Variants in TENM1 observed in about 807,000 individuals in gnomAD.
The protein encoded by TENM1 is teneurin transmembrane protein 1, also known as teneurin-1.
A neutral mutation model predicts 174.8 loss-of-function variants in TENM1; 35 were observed. That is an observed-to-expected ratio of 0.20 (90% CI 0.15 to 0.27). The LOEUF (loss-of-function observed/expected upper bound fraction) is 0.27. Ranked by LOEUF, TENM1 falls within the 10% of genes least tolerant of loss-of-function variation. The pLI is 1.00. For synonymous variants in TENM1, 781 were observed against 798.7 expected (o/e 0.98, Z 0.37); for missense variants, 1,633 against 2,130.1 (o/e 0.77, Z 4.59).
rs1209994312 is a variant in TENM1 at position 124,422,710 on chromosome X, G to GA, written c.4105-73dup. ...ATGGACAGTTTTAACTTGAAAAAAA[G>GA]AAAAAAAAATTGGTGTATTGTTTCC... is the stretch of plus-strand genomic sequence containing the variant. On this transcript the variant is annotated intron_variant, in intron 23 of 31. Transcript: ENST00000422452. The GA allele has an allele frequency of 4.3e-4, 447 of 1,034,858 alleles. 1 individual carries two copies. The highest frequency in any genetic ancestry group is 5.3e-4 in the Middle Eastern group (2 of 3,790). 85.3% of individuals were successfully genotyped at this position (1,034,858 alleles called of 1,213,427 possible). A position where few individuals can be genotyped will look rare whatever the true frequency, so the allele number is the denominator to read the frequency against.
chrX:124,628,322 A>G (rs1306722618), intron 11 of TENM1, among the ~76,000 whole-genome samples: 2 of 111,600 alleles, frequency 1.8e-5, no homozygotes, highest in Non-Finnish European at 3.8e-5. Flanking sequence ...TGATACTGCC[A>G]TATGCTAAAG....
chrX:124,769,178 T>C (rs940967392), intron 3 of TENM1, among the ~76,000 whole-genome samples: 1 of 112,079 alleles, frequency 8.9e-6, no homozygotes, highest in African/African-American at 3.2e-5. Context: ...AAAATATTTT[T>C]AATGAGTGCA....
intron 11 of TENM1, among the ~76,000 whole-genome samples, chrX:124,585,721 C>T (rs1382706169): frequency 2.7e-5 from 3 of 111,353 alleles, no homozygotes; most frequent in Non-Finnish European, 5.6e-5. Flanking sequence ...ACACAAAAAA[C>T]CCTTCAAAAA....
intron 25 of TENM1, among the ~76,000 whole-genome samples, chrX:124,409,235 G>T (rs1361019427): frequency 9.0e-6 from 1 of 111,143 alleles, no homozygotes; most frequent in African/African-American, 3.3e-5. Flanking sequence ...GATCCCTGAG[G>T]AATTGCCACA....
At chrX:124,877,110 A>C (rs2057217652) in intron 3 of TENM1, among the ~76,000 whole-genome samples, 2 of 112,368 alleles carry the variant, frequency 1.8e-5, no homozygotes, top group Admixed American at 9.4e-5. Flanking sequence ...TTAAAAAATT[A>C]TAATTATTTA....
chrX:124,574,014 A>T (rs1289204940), intron 11 of TENM1, among the ~76,000 whole-genome samples: 1 of 112,423 alleles, frequency 8.9e-6, no homozygotes, highest in Admixed American at 9.4e-5. Context: ...ATACATTAAC[A>T]TTACAGGCTA....
intron 3 of TENM1, among the ~76,000 whole-genome samples, chrX:124,833,835 C>T (rs768336603): frequency 8.1e-5 from 9 of 110,899 alleles, no homozygotes; most frequent in African/African-American, 2.3e-4. Context: ...TCTCGTATAT[C>T]GGACCATCAT....
At chrX:125,160,580 G>C in the TENM1 span, among the ~76,000 whole-genome samples, 8 of 100,659 alleles carry the variant, frequency 7.9e-5, no homozygotes, top group African/African-American at 2.9e-4. Context: ...CAGAGAGAGA[G>C]AGAGAGAAAG....
chrX:124,959,843 T>G (rs1486460877), intron 1 of TENM1, among the ~76,000 whole-genome samples: 1 of 111,710 alleles, frequency 9.0e-6, no homozygotes, highest in Non-Finnish European at 1.9e-5. Flanking sequence ...TGAGGTTCTA[T>G]CAATTCGAAC....
At chrX:124,700,159 C>T (rs2052742851) in intron 5 of TENM1, among the ~76,000 whole-genome samples, 1 of 111,391 alleles carries the variant, frequency 9.0e-6, no homozygotes, top group African/African-American at 3.3e-5. Context: ...AATACAAAAC[C>T]ATTTGAAGGG....
At chrX:125,167,078 G>GA in the TENM1 span, among the ~76,000 whole-genome samples, 29 of 111,699 alleles carry the variant, frequency 2.6e-4, no homozygotes, top group African/African-American at 8.8e-4. Flanking sequence ...AAATCTGGAG[G>GA]AAAACTGGAT....
the TENM1 span, among the ~76,000 whole-genome samples, chrX:125,132,636 A>T: frequency 8.9e-6 from 1 of 111,920 alleles, no homozygotes; most frequent in African/African-American, 3.3e-5. Flanking sequence ...TATACATATT[A>T]TCTCATTAAA....
At chrX:124,984,303 G>A in the TENM1 span, among the ~76,000 whole-genome samples, 2 of 111,692 alleles carry the variant, frequency 1.8e-5, no homozygotes, top group Non-Finnish European at 3.8e-5. Context: ...TTTCTCTCAT[G>A]TCTTTTCTAG....
At chrX:124,719,311 C>T (rs759226528) in intron 4 of TENM1, among the ~76,000 whole-genome samples, 6 of 110,292 alleles carry the variant, frequency 5.4e-5, no homozygotes, top group East Asian at 2.9e-4. Flanking sequence ...TACAACTCAC[C>T]GATAATTGCC....
In TENM1 at chrX:124,561,605, T is replaced by C. The variant is rs7057063; in HGVS notation, c.2434+66A>G. On this transcript the variant is annotated intron_variant, in intron 14 of 31. Coordinates refer to ENST00000422452, the Ensembl canonical transcript of TENM1. ...TTCCTAATTTTCACCCTTGGCCAGG[T>C]TGATTACCACTGTGCTAGAGGCTGG... 0.013 allele frequency: 14,938 copies of C among 1,166,933 alleles called. 1,199 individuals carry two copies. In the African/African-American group the frequency reaches 0.23, roughly 18 times the overall value.
chrX:124,391,212 C>G (rs1031825042), intron 28 of TENM1, among the ~76,000 whole-genome samples: 3 of 111,754 alleles, frequency 2.7e-5, no homozygotes, highest in Non-Finnish European at 5.7e-5. Flanking sequence ...CATCTAGAAG[C>G]TACCTTGTAC....
At chrX:125,040,076 T>A in the TENM1 span, among the ~76,000 whole-genome samples, 1 of 111,728 alleles carries the variant, frequency 9.0e-6, no homozygotes, top group South Asian at 3.7e-4. Flanking sequence ...TTGAATGTTA[T>A]TAACATATCA....
chrX:125,071,979 A>C, the TENM1 span, among the ~76,000 whole-genome samples: 11 of 111,448 alleles, frequency 9.9e-5, no homozygotes, highest in African/African-American at 2.9e-4. Context: ...AAGGTCATCA[A>C]ATTCAATTAT....
At chrX:124,674,971 T>G (rs189183862) in intron 5 of TENM1, among the ~76,000 whole-genome samples, 3 of 111,477 alleles carry the variant, frequency 2.7e-5, no homozygotes, top group Admixed American at 1.9e-4. Context: ...CTGGCGGCAC[T>G]TGAAAATGCG....
Sources: allele counts gnomAD v4.1 joint callset (sites outside exome capture counted in the v4.1 genomes callset), GRCh38; gene constraint gnomAD v4.1.1; transcripts MANE v1.5; gene names NCBI Gene and HGNC (gene_info 2026-07-23, HGNC 2026-07-21).